SRD5A2: variants seen among roughly 807,000 people sequenced by gnomAD.
The protein encoded by SRD5A2 is 3-oxo-5-alpha-steroid 4-dehydrogenase 2.
SRD5A2 carries 30 observed loss-of-function variants against 27.4 expected under a neutral mutation model. The observed-to-expected ratio is 1.10, with a 90% CI of 0.82 to 1.49. The LOEUF (loss-of-function observed/expected upper bound fraction) is 1.49. Among genes scored for constraint, SRD5A2 ranks in the 40% most tolerant of loss-of-function variants. The pLI is 0.00. For missense variants in SRD5A2, 348 were observed against 323.4 expected (o/e 1.08, Z -0.58); for synonymous variants, 141 against 133.6 (o/e 1.06, Z -0.38).
intron 1 of SRD5A2, among the ~76,000 whole-genome samples, chr2:31,544,919 C>A (rs868661044): frequency 2.0e-5 from 3 of 151,702 alleles, no homozygotes; most frequent in Non-Finnish European, 4.4e-5. Context: ...GCACTATGAA[C>A]AATTGTACCC....
intron 1 of SRD5A2, among the ~76,000 whole-genome samples, chr2:31,542,418 A>C (rs1666147284): frequency 6.6e-6 from 1 of 152,184 alleles, no homozygotes; most frequent in Non-Finnish European, 1.5e-5. Context: ...AGGCTAAGGC[A>C]GAAGGATCAC....
chr2:31,639,892 T>C, the SRD5A2 span, among the ~76,000 whole-genome samples: 1 of 152,104 alleles, frequency 6.6e-6, no homozygotes, highest in East Asian at 1.9e-4. Context: ...ATATTTTTAA[T>C]TTTGGAAAGT....
the SRD5A2 span, among the ~76,000 whole-genome samples, chr2:31,645,746 A>T: frequency 6.6e-6 from 1 of 152,336 alleles, no homozygotes; most frequent in South Asian, 2.1e-4. Context: ...TATTATCTTT[A>T]TATCAGCAGC....
Position 31,580,716 on chromosome 2 carries a change from G to A in SRD5A2, c.185C>T (p.Ala62Val), listed in dbSNP as rs1572374876. ...AWFLQELPSFAVPAGILARQP... is the reference protein window; with the variant it reads ...AWFLQELPSFVVPAGILARQP... Reference sequence around the variant, plus strand: ...CCGGGCGAGGATCCCCGCGGGCACCGCGAAGGAAGGCAGCTCCTGCAGGAA... The same window carrying A: ...CCGGGCGAGGATCCCCGCGGGCACCACGAAGGAAGGCAGCTCCTGCAGGAA... Residue 62 changes from alanine (A) to valine (V), a missense_variant, in exon 1 of 5, where the codon GCG becomes GTG. Physicochemically the swap from Ala to Val is moderately conservative, Grantham distance 64. Coordinates refer to ENST00000622030, the MANE Select transcript of SRD5A2 (RefSeq NM_000348.4). 1 of 1,606,144 alleles carries A rather than the reference G, an allele frequency of 6.2e-7. No individual in the cohort carries two copies. Among genetic ancestry groups the A allele is most frequent in the Non-Finnish European group, 8.5e-7 (1 of 1,179,198 alleles).
the SRD5A2 span, among the ~76,000 whole-genome samples, chr2:31,631,126 A>G: frequency 6.6e-6 from 1 of 152,196 alleles, no homozygotes; most frequent in Non-Finnish European, 1.5e-5. Context: ...TTGCATAAGA[A>G]CAGTTGTTTA....
chr2:31,634,986 A>G, the SRD5A2 span, among the ~76,000 whole-genome samples: 5 of 152,194 alleles, frequency 3.3e-5, no homozygotes, highest in South Asian at 2.1e-4. Flanking sequence ...TAGTGCTTCA[A>G]TAAAGATGGG....
chr2:31,596,094 A>G, the SRD5A2 span, among the ~76,000 whole-genome samples: 1 of 152,160 alleles, frequency 6.6e-6, no homozygotes, highest in Non-Finnish European at 1.5e-5. Flanking sequence ...CAGAGCCAAC[A>G]ATATATTGAT....
chr2:31,568,708 T>C (rs576693882), intron 1 of SRD5A2, among the ~76,000 whole-genome samples: 1 of 152,312 alleles, frequency 6.6e-6, no homozygotes, highest in African/African-American at 2.4e-5. Flanking sequence ...GTCTGCCTCC[T>C]GCCACCATCC....
At chr2:31,589,173 C>A in the SRD5A2 span, among the ~76,000 whole-genome samples, 6 of 152,036 alleles carry the variant, frequency 3.9e-5, no homozygotes, top group African/African-American at 1.5e-4. Flanking sequence ...GGATGCCAAG[C>A]AAAACATAAA....
intron 1 of SRD5A2, among the ~76,000 whole-genome samples, chr2:31,553,115 A>C (rs1666414523): frequency 6.6e-6 from 1 of 152,194 alleles, no homozygotes; most frequent in Non-Finnish European, 1.5e-5. Flanking sequence ...CATCTGAGGA[A>C]TCTAATTGCT....
chr2:31,660,034 T>C, the SRD5A2 span, among the ~76,000 whole-genome samples: 4 of 152,222 alleles, frequency 2.6e-5, no homozygotes, highest in Admixed American at 1.3e-4. Context: ...AGTGCTTTTT[T>C]TCATTTCAGA....
At chr2:31,578,015 G>T (rs1666994934) in intron 1 of SRD5A2, among the ~76,000 whole-genome samples, 1 of 152,050 alleles carries the variant, frequency 6.6e-6, no homozygotes, top group South Asian at 2.1e-4. Flanking sequence ...CAGATATTAA[G>T]AAATCTGTGA....
At chr2:31,551,872 AC>A (rs1666387086) in intron 1 of SRD5A2, among the ~76,000 whole-genome samples, 1 of 152,080 alleles carries the variant, frequency 6.6e-6, no homozygotes, top group African/African-American at 2.4e-5. Context: ...AGAATATAGG[AC>A]CCAGAAATAG....
rs28383098 is a variant in SRD5A2, at chr2:31,522,803, C to T, written c.*3393G>A. Reference sequence around the variant, plus strand: ...GCCGTTACCCTCCTTGTTTTCCCTGCATGGACCTCAGCTCACAGCTTATTA... The same window carrying T: ...GCCGTTACCCTCCTTGTTTTCCCTGTATGGACCTCAGCTCACAGCTTATTA... On this transcript the variant is annotated 3_prime_UTR_variant, in exon 5 of 5. Transcript: ENST00000622030. 901 of 221,774 alleles carry T rather than the reference C, an allele frequency of 4.1e-3. 15 individuals carry two copies. The highest frequency in any genetic ancestry group is 0.018 in the African/African-American group (811 of 44,782). 13.7% of individuals were successfully genotyped at this position (221,774 alleles called of 1,614,324 possible). A position where few individuals can be genotyped will look rare whatever the true frequency, so the allele number is the denominator to read the frequency against.
chr2:31,593,004 G>A, the SRD5A2 span, among the ~76,000 whole-genome samples: 17 of 152,060 alleles, frequency 1.1e-4, no homozygotes, highest in South Asian at 2.7e-3. Context: ...GTAAACTATC[G>A]CAAGGACAAA....
the SRD5A2 span, among the ~76,000 whole-genome samples, chr2:31,660,237 C>G: frequency 6.6e-6 from 1 of 151,960 alleles, no homozygotes; most frequent in African/African-American, 2.4e-5. Context: ...GGCAAAAGTT[C>G]AGGAGCTTGA....
the SRD5A2 span, chr2:31,651,317 A>G: frequency 6.1e-6 from 1 of 163,648 alleles, no homozygotes; most frequent in Non-Finnish European, 1.4e-5. Context: ...AGAGTGAGAC[A>G]TGAAAGACAG....
At chr2:31,537,762 A>G (rs947642680) in intron 1 of SRD5A2, among the ~76,000 whole-genome samples, 4 of 152,248 alleles carry the variant, frequency 2.6e-5, no homozygotes, top group Non-Finnish European at 4.4e-5. Context: ...CCCCAATGCA[A>G]CGGTGCTGAA....
At chr2:31,572,980 G>A (rs1666882372) in intron 1 of SRD5A2, among the ~76,000 whole-genome samples, 1 of 152,132 alleles carries the variant, frequency 6.6e-6, no homozygotes, top group East Asian at 1.9e-4. Flanking sequence ...GAAGATGTTT[G>A]GAATCTAAAA....
Sources: allele counts gnomAD v4.1 joint callset (sites outside exome capture counted in the v4.1 genomes callset), GRCh38; gene constraint gnomAD v4.1.1; transcripts MANE v1.5; gene names NCBI Gene and HGNC (gene_info 2026-07-23, HGNC 2026-07-21).